Variants in CCDC102B observed in about 807,000 individuals in gnomAD.
The protein encoded by CCDC102B is coiled-coil domain-containing protein 102B.
In CCDC102B, 75 loss-of-function variants were observed where a neutral mutation model predicts 57.4. The observed-to-expected ratio is 1.31, with a 90% CI of 1.08 to 1.58. The LOEUF (loss-of-function observed/expected upper bound fraction) is 1.58. CCDC102B is among the 40% of genes most tolerant of loss of function. The pLI is 0.00. For missense variants in CCDC102B, 636 were observed against 582.6 expected (o/e 1.09, Z -0.94); for synonymous variants, 206 against 201.9 (o/e 1.02, Z -0.17).
At chr18:69,000,740 A>C (rs2145358837) in intron 6 of CCDC102B, among the ~76,000 whole-genome samples, 1 of 152,308 alleles carries the variant, frequency 6.6e-6, no homozygotes, top group South Asian at 2.1e-4. Flanking sequence ...AGAGATACTT[A>C]TTTTTGACCC....
At position 68,837,374 on chromosome 18, in the gene CCDC102B, GAAA is replaced by G. The variant is rs757133267; in HGVS notation, c.606+10_606+12del. 6.3e-7 allele frequency: 1 copy of G among 1,594,028 alleles called. No individual in the cohort carries two copies. ...AAGGAGGACACAAATAATAAGGTAA[GAAA>G]AAAATCCAGAGATGATGTGAATTTC... On this transcript the variant is annotated splice_donor_region_variant and intron_variant, in intron 2 of 7. Transcript: ENST00000360242.
intron 6 of CCDC102B, among the ~76,000 whole-genome samples, chr18:68,946,587 G>A (rs187652989): frequency 0.011 from 1,688 of 152,058 alleles, 12 homozygotes; most frequent in Non-Finnish European, 0.015. Context: ...ATATGGCTAA[G>A]TGCTTTAGGG....
chr18:68,765,377 G>GAA (rs200955626), intron 2 of CCDC102B, among the ~76,000 whole-genome samples: 3 of 108,006 alleles, frequency 2.8e-5, no homozygotes, highest in Non-Finnish European at 5.9e-5. Context: ...AAGAAAGAAA[G>GAA]AAAAGAAAGA....
intron 2 of CCDC102B, among the ~76,000 whole-genome samples, chr18:68,726,186 T>A (rs868806509): frequency 2.0e-4 from 31 of 152,218 alleles, no homozygotes; most frequent in African/African-American, 7.5e-4. Flanking sequence ...GATAGAATAA[T>A]TGGCTGCAAA....
chr18:68,936,219 A>G (rs964195567), intron 6 of CCDC102B, among the ~76,000 whole-genome samples: 2 of 150,848 alleles, frequency 1.3e-5, no homozygotes, highest in African/African-American at 4.8e-5. Context: ...AAAAAAAAAA[A>G]TCCAAAATCT....
chr18:68,959,522 C>T (rs1054162280), intron 6 of CCDC102B, among the ~76,000 whole-genome samples: 2 of 152,094 alleles, frequency 1.3e-5, no homozygotes, highest in East Asian at 3.9e-4. Flanking sequence ...CCTACATTCA[C>T]TCAGGACCTA....
At chr18:68,962,480 T>C (rs1433382819) in intron 6 of CCDC102B, among the ~76,000 whole-genome samples, 1 of 152,068 alleles carries the variant, frequency 6.6e-6, no homozygotes, top group African/African-American at 2.4e-5. Context: ...TGTACCATGA[T>C]TTTACATTAT....
chr18:68,751,603 T>C (rs543230140), intron 2 of CCDC102B, among the ~76,000 whole-genome samples: 1 of 152,184 alleles, frequency 6.6e-6, no homozygotes, highest in Non-Finnish European at 1.5e-5. Context: ...TAGAAACTTG[T>C]ACATCAGGTG....
At chr18:68,824,092 A>C (rs2036809002) in intron 1 of CCDC102B, among the ~76,000 whole-genome samples, 1 of 152,028 alleles carries the variant, frequency 6.6e-6, no homozygotes. Flanking sequence ...TTTCTTTTGC[A>C]ATTGCTTTGG....
chr18:69,016,561 G>A (rs903573300), intron 7 of CCDC102B, among the ~76,000 whole-genome samples: 4 of 152,146 alleles, frequency 2.6e-5, no homozygotes, highest in African/African-American at 9.7e-5. Flanking sequence ...CTTAGTGTAT[G>A]GGCTTCAAAT....
chr18:69,051,895 A>C (rs1017865109), intron 7 of CCDC102B, among the ~76,000 whole-genome samples: 1 of 151,846 alleles, frequency 6.6e-6, no homozygotes, highest in Non-Finnish European at 1.5e-5. Context: ...TGCTTGATCA[A>C]GAACATAAAT....
At chr18:68,734,696 A>C (rs555366375) in intron 2 of CCDC102B, 1 of 152,180 alleles carries the variant, frequency 6.6e-6, no homozygotes, top group Non-Finnish European at 1.5e-5. Flanking sequence ...GAAATACTTG[A>C]TAATTTTTAT....
chr18:68,911,751 C>CAAAAAAAAAAAAA (rs74175338), intron 6 of CCDC102B, among the ~76,000 whole-genome samples: 4 of 18,006 alleles, frequency 2.2e-4, no homozygotes, highest in Non-Finnish European at 2.4e-4. Flanking sequence ...GACTCCGTCT[C>CAAAAAAAAAAAAA]AAAAAAAAAA....
chr18:68,743,249 AAAT>A (rs1250564880), intron 2 of CCDC102B, among the ~76,000 whole-genome samples: 3 of 149,756 alleles, frequency 2.0e-5, no homozygotes, highest in East Asian at 2.0e-4. Flanking sequence ...ATAAATAAAT[AAAT>A]AAAAAATTAG....
At chr18:68,755,247 A>T (rs562901428) in intron 2 of CCDC102B, among the ~76,000 whole-genome samples, 125 of 152,282 alleles carry the variant, frequency 8.2e-4, no homozygotes, top group African/African-American at 2.9e-3. Context: ...AACCTCTCCA[A>T]GTCTTTATTG....
chr18:68,850,426 G>T (rs2038069776), intron 4 of CCDC102B, among the ~76,000 whole-genome samples: 1 of 152,000 alleles, frequency 6.6e-6, no homozygotes, highest in East Asian at 1.9e-4. Flanking sequence ...AAAGACTGCA[G>T]AATGAGTGTT....
intron 2 of CCDC102B, among the ~76,000 whole-genome samples, chr18:68,765,308 GGAAGGAAGGAAGGAAGGAAA>G (rs1186866635): frequency 1.2e-3 from 84 of 72,766 alleles, no homozygotes; most frequent in South Asian, 0.011. Flanking sequence ...AAGGAAGGAA[GGAAGGAAGGAAGGAAGGAAA>G]GAAAGAAAGA....
At chr18:68,723,395 C>T (rs1250021380) in intron 2 of CCDC102B, among the ~76,000 whole-genome samples, 1 of 152,132 alleles carries the variant, frequency 6.6e-6, no homozygotes, top group Non-Finnish European at 1.5e-5. Flanking sequence ...TCAGCTCATT[C>T]CAGCATTAAC....
chr18:68,911,535 G>A (rs1213866533), intron 6 of CCDC102B, among the ~76,000 whole-genome samples: 15 of 149,822 alleles, frequency 1.0e-4, no homozygotes, highest in East Asian at 4.1e-4. Context: ...GGCGGATCAC[G>A]AGGTCAGGAG....
Sources: gnomAD v4.1 joint callset for allele counts (sites outside exome capture counted in the v4.1 genomes callset) on GRCh38, gnomAD v4.1.1 for gene constraint, MANE v1.5 for transcripts, NCBI Gene and HGNC (gene_info 2026-07-23, HGNC 2026-07-21) for gene names.